Variants in PCDHGA2 observed in about 807,000 individuals in gnomAD.
PCDHGA2 encodes protocadherin gamma-A2.
A neutral mutation model predicts 59.2 loss-of-function variants in PCDHGA2; 40 were observed. That is an observed-to-expected ratio of 0.68 (90% CI 0.52 to 0.88). The LOEUF (loss-of-function observed/expected upper bound fraction) is 0.88, where lower values mean the gene tolerates loss of function less well. Ranked by LOEUF, PCDHGA2 falls within the 40% of genes least tolerant of loss-of-function variation. The pLI, the probability that PCDHGA2 is intolerant of heterozygous loss-of-function variation, is 0.00. For synonymous variants in PCDHGA2, 560 were observed against 526.0 expected (o/e 1.06, Z -0.89); for missense variants, 1,226 against 1,204.0 (o/e 1.02, Z -0.27).
rs146574799 is a variant in PCDHGA2, at chr5:141,487,337, G to A, written c.2425-7470G>A. The A allele has an allele frequency of 1.4e-5, 23 of 1,614,054 alleles. No individual in the cohort carries two copies. The highest frequency in any genetic ancestry group is 3.3e-5 in the Admixed American group (2 of 60,002). The stretch of plus-strand genomic sequence containing the variant: ...TAAGTGTCTTCGTGGGGCAGCCTGT[G>A]GAGTCACATGCTTTCCTGCTGGCAC... On this transcript the variant is annotated intron_variant, in intron 1 of 3. Coordinates refer to ENST00000394576, the MANE Select transcript of PCDHGA2 (RefSeq NM_018915.4). The surrounding 1 kb of genome is among the most constrained non-coding windows in gnomAD (Gnocchi z 5.0).
Position 141,476,901 on chromosome 5 carries a change from G to A in PCDHGA2, c.2425-17906G>A, listed in dbSNP as rs1466086788. The A allele has an allele frequency of 1.9e-6, 3 of 1,613,782 alleles. No individual in the cohort carries two copies. The African/African-American group carries it at 4.0e-5, about 22-fold the overall frequency. On this transcript the variant is annotated intron_variant, in intron 1 of 3. Coordinates refer to ENST00000394576, the MANE Select transcript of PCDHGA2 (RefSeq NM_018915.4). The surrounding 1 kb of genome is among the most constrained non-coding windows in gnomAD (Gnocchi z 7.6). ...CTGGAGGATGCACCCTCCGGCACGC[G>A]CGTGGTACAAGTCCTTGCAACGGAT...
chr5:141,390,185 T>C, intron 1 of PCDHGA2: 1 of 1,614,042 alleles, frequency 6.2e-7, no homozygotes, highest in Non-Finnish European at 8.5e-7. Context: ...TCCTAAAATG[T>C]AGTGAGCAGT....
rs2097424370 is a variant in PCDHGA2, at chr5:141,431,859, C to G, written c.2425-62948C>G. On this transcript the variant is annotated intron_variant, in intron 1 of 3. Coordinates refer to ENST00000394576, the MANE Select transcript of PCDHGA2 (RefSeq NM_018915.4). The surrounding 1 kb of genome is among the most constrained non-coding windows in gnomAD (Gnocchi z 4.8). ...AACTCTCCCAGAGGGACATTAATTG[C>G]CCTTTTAAATGTAAATGACCAAGAT... is the stretch of plus-strand genomic sequence containing the variant. The G allele has an allele frequency of 1.2e-6, 2 of 1,614,060 alleles. No individual in the cohort carries two copies. Among genetic ancestry groups the G allele is most frequent in the Middle Eastern group, 3.3e-4 (2 of 6,084 alleles).
chr5:141,370,930 C>T lies in PCDHGA2; in HGVS notation c.2424+29535C>T, dbSNP rs753377715. ...TACCTCAGCCCTGATCCGCACTTCT[C>T]TTTGATTCAGAAGGAGAACCTGGAT... On this transcript the variant is annotated intron_variant, in intron 1 of 3. Transcript: ENST00000394576. 16 of 1,613,894 alleles carry T rather than the reference C, an allele frequency of 9.9e-6. No homozygotes were observed. The African/African-American group carries it at 2.1e-4, about 22-fold the overall frequency.
chr5:141,450,015 T>A (rs911475310), intron 1 of PCDHGA2, among the ~76,000 whole-genome samples: 12 of 149,806 alleles, frequency 8.0e-5, no homozygotes, highest in Non-Finnish European at 1.6e-4. Flanking sequence ...TCTTTTTTTT[T>A]TTTTTTTTTG....
intron 1 of PCDHGA2, among the ~76,000 whole-genome samples, chr5:141,420,643 A>G (rs145459829): frequency 0.01 from 1,535 of 152,326 alleles, 17 homozygotes; most frequent in Non-Finnish European, 0.013. Flanking sequence ...GGAACCTTGT[A>G]AGAATTATAG....
At chr5:141,435,383 G>C (rs1057246190) in intron 1 of PCDHGA2, among the ~76,000 whole-genome samples, 4 of 151,898 alleles carry the variant, frequency 2.6e-5, no homozygotes, top group Admixed American at 2.0e-4. Flanking sequence ...ACAATATACC[G>C]TATTGCCATG....
chr5:141,422,140 C>T (rs1275997338), intron 1 of PCDHGA2: 15 of 1,586,774 alleles, frequency 9.5e-6, no homozygotes, highest in Non-Finnish European at 1.3e-5. Flanking sequence ...AGTTCAAGTA[C>T]GGGGGTCTCT....
intron 2 of PCDHGA2, among the ~76,000 whole-genome samples, chr5:141,504,999 T>C (rs1278633184): frequency 6.6e-6 from 1 of 152,000 alleles, no homozygotes; most frequent in African/African-American, 2.4e-5. Context: ...CCGTCTGTAC[T>C]AAAAATACAA....
At position 141,447,140 on chromosome 5, in the gene PCDHGA2, T is replaced by C. The variant is rs770212881; in HGVS notation, c.2425-47667T>C. ...ATGGATTTTTTTGTTTGTTTGTTTT[T>C]TGTTTTTGTTTTTGTTTAAGCGGGG... On this transcript the variant is annotated intron_variant, in intron 1 of 3. Coordinates refer to ENST00000394576, the MANE Select transcript of PCDHGA2 (RefSeq NM_018915.4). Among the ~76,000 whole-genome samples the C allele has an allele frequency of 6.6e-5, 10 of 152,158 alleles. 1 individual carries two copies. Among genetic ancestry groups the C allele is most frequent in the Non-Finnish European group, 1.2e-4 (8 of 68,042 alleles).
Position 141,356,227 on chromosome 5 carries a change from A to T in PCDHGA2, c.2424+14832A>T, listed in dbSNP as rs1760158327. 5 of 1,593,622 alleles carry T rather than the reference A, an allele frequency of 3.1e-6. No homozygotes were observed. In the East Asian group the frequency reaches 1.1e-4, roughly 36 times the overall value. On this transcript the variant is annotated intron_variant, in intron 1 of 3. Coordinates refer to ENST00000394576, the MANE Select transcript of PCDHGA2 (RefSeq NM_018915.4). ...GGTGACAGTTCTGGATGAAAATGAC[A>T]ACGCACCAGAAGTCACAGTTACATC... is the stretch of plus-strand genomic sequence containing the variant.
intron 1 of PCDHGA2, among the ~76,000 whole-genome samples, chr5:141,469,317 C>T (rs1354878667): frequency 6.6e-6 from 1 of 152,092 alleles, no homozygotes; most frequent in Non-Finnish European, 1.5e-5. Flanking sequence ...TGGCTCACGC[C>T]TGTAATCCCA....
intron 1 of PCDHGA2, among the ~76,000 whole-genome samples, chr5:141,397,331 TA>T (rs1194266776): frequency 2.0e-5 from 3 of 152,214 alleles, no homozygotes; most frequent in Non-Finnish European, 4.4e-5. Flanking sequence ...AAATTATTTT[TA>T]TAAAGAATGT....
chr5:141,443,781 CA>C (rs1227271563), intron 1 of PCDHGA2, among the ~76,000 whole-genome samples: 2 of 150,514 alleles, frequency 1.3e-5, no homozygotes, highest in African/African-American at 2.4e-5. Flanking sequence ...ACCAAAAAGA[CA>C]AAAAAAATGA....
intron 1 of PCDHGA2, 184 bp downstream of exon 1, chr5:141,341,579 C>T: frequency 8.2e-7 from 1 of 1,212,798 alleles, no homozygotes. Flanking sequence ...GAAGAAGAGA[C>T]GTGAGAATCT....
Position 141,341,093 on chromosome 5 carries a change from G to A in PCDHGA2, c.2122G>A (p.Val708Ile). 6.2e-7 allele frequency: 1 copy of A among 1,614,224 alleles called. No homozygotes were observed. Among genetic ancestry groups the A allele is most frequent in the Non-Finnish European group, 8.5e-7 (1 of 1,180,050 alleles). ...AAVSCVFLAF[V>I]IVLLAHRLRR... is the part of the protein sequence containing the mutation. Reference sequence around the variant, plus strand: ...GGTCTCCTGCGTCTTCCTGGCCTTCGTCATCGTGTTGCTGGCGCACAGGCT... The same window carrying A: ...GGTCTCCTGCGTCTTCCTGGCCTTCATCATCGTGTTGCTGGCGCACAGGCT... The change falls in exon 1 of 4, where the codon GTC becomes ATC. Residue 708 changes from valine to isoleucine, a missense_variant. Val to Ile is a conservative substitution (Grantham distance 29). Transcript: ENST00000394576.
chr5:141,393,776 C>G, intron 1 of PCDHGA2: 1 of 1,613,714 alleles, frequency 6.2e-7, no homozygotes, highest in Admixed American at 1.7e-5. Flanking sequence ...AAATACAAGC[C>G]GAAGATGTGG....
In PCDHGA2 at chr5:141,338,924, G is replaced by C. The variant is rs756074981; in HGVS notation, c.-48G>C. On this transcript the variant is annotated 5_prime_UTR_variant, in exon 1 of 4. Coordinates refer to ENST00000394576, the MANE Select transcript of PCDHGA2 (RefSeq NM_018915.4). ...CCCTGAGGAATAAAGATTGGAATCCGCACTGGATGCTGGAAGTTGACTCGG... is the reference window on the plus strand; with the variant it reads ...CCCTGAGGAATAAAGATTGGAATCCCCACTGGATGCTGGAAGTTGACTCGG... 6.6e-7 allele frequency: 1 copy of C among 1,517,210 alleles called. No individual in the cohort carries two copies. Among genetic ancestry groups the C allele is most frequent in the Non-Finnish European group, 8.8e-7 (1 of 1,132,726 alleles). 94.0% of individuals were successfully genotyped at this position (1,517,210 alleles called of 1,614,324 possible). A position where few individuals can be genotyped will look rare whatever the true frequency, so the allele number is the denominator to read the frequency against.
intron 1 of PCDHGA2, chr5:141,404,234 G>A (rs2094500908): frequency 6.2e-7 from 1 of 1,613,770 alleles, no homozygotes; most frequent in African/African-American, 1.3e-5. Context: ...AACAGACAGA[G>A]GAACTCCGCC....
Sources: allele counts gnomAD v4.1 joint callset (sites outside exome capture counted in the v4.1 genomes callset), GRCh38; gene constraint gnomAD v4.1.1; non-coding constraint Gnocchi (gnomAD v3.1); transcripts MANE v1.5; gene names NCBI Gene and HGNC (gene_info 2026-07-23, HGNC 2026-07-21).